The following COL22A1 variants were observed in gnomAD, a reference collection of about 807,000 sequenced individuals.
COL22A1 encodes collagen alpha-1(XXII) chain.
Under a neutral mutation model 248.9 loss-of-function variants are expected in COL22A1, and 221 were observed. The ratio of observed to expected loss-of-function variants is 0.89; its 90% CI spans 0.80 to 0.99. COL22A1 has a LOEUF of 0.99. Ranked by LOEUF, COL22A1 falls within the 50% of genes least tolerant of loss-of-function variation. The probability of loss-of-function intolerance (pLI) is 0.00; values close to 1 mark genes in which losing one functional copy is unlikely to be tolerated. For missense variants in COL22A1, 2,240 were observed against 2,179.0 expected (o/e 1.03, Z -0.56); for synonymous variants, 891 against 793.4 (o/e 1.12, Z -2.07).
Position 138,679,635 on chromosome 8 carries a change from C to T in COL22A1, c.3054G>A (p.Leu1018=). The T allele has an allele frequency of 1.9e-6, 3 of 1,614,058 alleles. No homozygotes were observed. The highest frequency in any genetic ancestry group is 2.5e-6 in the Non-Finnish European group (3 of 1,179,974). Residue 1018 remains leucine, a synonymous_variant, in exon 40 of 65, where the codon CTG becomes CTA. Coordinates refer to ENST00000303045, the MANE Select transcript of COL22A1 (RefSeq NM_152888.3). ...GKVRGSENCA[L]GGQCVKGDRG... is the part of the protein sequence containing the mutation. ...CACTGACCTTAACACATTGCCCTCC[C>T]AGTGCACAGTTTTCTGACCCTCTGA...
chr8:138,649,570 T>C, intron 46 of COL22A1, 95 bp downstream of exon 46: 1 of 1,532,410 alleles, frequency 6.5e-7, no homozygotes, highest in Non-Finnish European at 8.8e-7. Flanking sequence ...CCTCAAACCC[T>C]GAACACCTTC....
chr8:138,606,094 T>C (rs1049547922), intron 58 of COL22A1, among the ~76,000 whole-genome samples: 1 of 152,238 alleles, frequency 6.6e-6, no homozygotes, highest in Non-Finnish European at 1.5e-5. Flanking sequence ...CAGAAGTAGA[T>C]GCTGTCGTTA....
At chr8:138,616,811 C>G in intron 54 of COL22A1, 103 bp downstream of exon 54, 1 of 1,347,132 alleles carries the variant, frequency 7.4e-7, no homozygotes, top group South Asian at 1.2e-5. Flanking sequence ...CGTCCTCTCT[C>G]GGGTAAGGCA....
At chr8:138,806,095 T>A (rs1490442698) in intron 10 of COL22A1, among the ~76,000 whole-genome samples, 10 of 140,230 alleles carry the variant, frequency 7.1e-5, no homozygotes, top group Non-Finnish European at 1.1e-4. Flanking sequence ...TAATGGTGTG[T>A]GATGGTGTGT....
chr8:138,763,371 A>C (rs1009534366), intron 16 of COL22A1, among the ~76,000 whole-genome samples: 1 of 148,374 alleles, frequency 6.7e-6, no homozygotes, highest in Non-Finnish European at 1.5e-5. Context: ...CGGGCGACAG[A>C]GTGAGACTCT....
chr8:138,700,642 G>A (rs781708662), intron 31 of COL22A1, among the ~76,000 whole-genome samples: 2 of 152,168 alleles, frequency 1.3e-5, no homozygotes, highest in African/African-American at 2.4e-5. Context: ...AGACTCTGGC[G>A]GACTGGCCCC....
intron 45 of COL22A1, among the ~76,000 whole-genome samples, chr8:138,654,522 C>A (rs1399544819): frequency 6.6e-6 from 1 of 152,022 alleles, no homozygotes; most frequent in African/African-American, 2.4e-5. Flanking sequence ...CTGAAATCAC[C>A]CAGTGTCTTT....
chr8:138,823,793 A>G (rs1266927805), intron 6 of COL22A1, among the ~76,000 whole-genome samples: 1 of 152,182 alleles, frequency 6.6e-6, no homozygotes, highest in African/African-American at 2.4e-5. Flanking sequence ...TTTCCCATCC[A>G]TGCTTTTAAA....
chr8:138,839,088 G>T (rs556997147), intron 4 of COL22A1, among the ~76,000 whole-genome samples: 1 of 152,314 alleles, frequency 6.6e-6, no homozygotes, highest in Non-Finnish European at 1.5e-5. Flanking sequence ...TTTCAGGAAA[G>T]GGATGATTTG....
In COL22A1 at chr8:138,611,446, T is replaced by TG. The variant is rs1343576311; in HGVS notation, c.3978+2420dup. ...GGATGCAAAAGCCCAGTGAGGGAGC[T>TG]GGGGGGGACCCAGTCAGAACCACCC... On this transcript the variant is annotated intron_variant, in intron 56 of 64. Transcript: ENST00000303045. 3.3e-5 allele frequency among the ~76,000 whole-genome samples: 5 copies of TG among 152,228 alleles called. No homozygotes were observed. The East Asian group carries it at 5.8e-4, about 18-fold the overall frequency.
intron 30 of COL22A1, among the ~76,000 whole-genome samples, chr8:138,704,188 A>G (rs1241859022): frequency 6.6e-6 from 1 of 152,098 alleles, no homozygotes; most frequent in African/African-American, 2.4e-5. Context: ...TATAGACTCC[A>G]CCTCTGGGGG....
intron 33 of COL22A1, 63 bp from the exon 34 acceptor site, chr8:138,694,624 G>C (rs1311739992): frequency 3.2e-6 from 5 of 1,562,226 alleles, no homozygotes; most frequent in Admixed American, 1.7e-5. Flanking sequence ...ATGGGCGGAT[G>C]GGGCGGGGAC....
At chr8:138,687,204 GC>G (rs1194548222) in intron 37 of COL22A1, among the ~76,000 whole-genome samples, 1 of 152,170 alleles carries the variant, frequency 6.6e-6, no homozygotes, top group Non-Finnish European at 1.5e-5. Context: ...TGACCTGCCT[GC>G]CTTGGCCTCC....
intron 18 of COL22A1, among the ~76,000 whole-genome samples, chr8:138,758,637 C>T (rs936795847): frequency 1.3e-5 from 2 of 152,164 alleles, no homozygotes; most frequent in African/African-American, 4.8e-5. Flanking sequence ...ACCGTCTCTG[C>T]AGTTCCAGTG....
intron 32 of COL22A1, among the ~76,000 whole-genome samples, chr8:138,695,196 C>T (rs570754933): frequency 2.6e-5 from 4 of 152,306 alleles, no homozygotes; most frequent in South Asian, 2.1e-4. Flanking sequence ...CGCAGTTTTA[C>T]ACTTAGTTGT....
At chr8:138,833,238 G>A (rs1271604942) in intron 4 of COL22A1, 88 bp from the exon 5 acceptor site, 3 of 884,248 alleles carry the variant, frequency 3.4e-6, no homozygotes, top group Non-Finnish European at 3.8e-6. Flanking sequence ...TGCAAAGGCA[G>A]CCTGCCCATC....
intron 1 of COL22A1, among the ~76,000 whole-genome samples, chr8:138,891,615 C>T (rs1233298067): frequency 6.6e-6 from 1 of 152,134 alleles, no homozygotes; most frequent in African/African-American, 2.4e-5. Flanking sequence ...AAGTAATCCT[C>T]CCATGACTCC....
intron 5 of COL22A1, among the ~76,000 whole-genome samples, chr8:138,827,598 C>T (rs1481138280): frequency 6.6e-6 from 1 of 152,136 alleles, no homozygotes; most frequent in African/African-American, 2.4e-5. Context: ...GAGCCAGCCT[C>T]TCACCTCAGG....
At position 138,790,770 on chromosome 8, in the gene COL22A1, C is replaced by T. The variant is rs528296229; in HGVS notation, c.1596+6049G>A. Among the ~76,000 whole-genome samples the T allele has an allele frequency of 7.2e-5, 11 of 152,298 alleles. No homozygotes were observed. In the East Asian group the frequency reaches 9.7e-4, roughly 13 times the overall value. ...AAGGGCCCCCACCCAATGAGAAGCA[C>T]GACTGAGTAGGAACATACCTTCTTT... On this transcript the variant is annotated intron_variant, in intron 12 of 64. Coordinates refer to ENST00000303045, the MANE Select transcript of COL22A1 (RefSeq NM_152888.3).
Sources: gnomAD v4.1 joint callset for allele counts (sites outside exome capture counted in the v4.1 genomes callset) on GRCh38, gnomAD v4.1.1 for gene constraint, MANE v1.5 for transcripts, NCBI Gene and HGNC (gene_info 2026-07-23, HGNC 2026-07-21) for gene names.